Variants in RGPD4 observed in about 807,000 individuals in gnomAD.
The protein encoded by RGPD4 is ranBP2-like and GRIP domain-containing protein 4.
A neutral mutation model predicts 141.1 loss-of-function variants in RGPD4; 84 were observed. The observed-to-expected ratio is 0.60, with a 90% CI of 0.50 to 0.71. The LOEUF (loss-of-function observed/expected upper bound fraction) is 0.71. Ranked by LOEUF, RGPD4 falls within the 30% of genes least tolerant of loss-of-function variation. RGPD4 has a pLI of 0.00. For synonymous variants in RGPD4, 298 were observed against 566.8 expected (o/e 0.53, Z 6.74); for missense variants, 918 against 1,622.4 (o/e 0.57, Z 7.46).
chr2:107,867,402 G>T (rs1682764992), intron 18 of RGPD4, among the ~76,000 whole-genome samples: 4 of 151,198 alleles, frequency 2.6e-5, no homozygotes, highest in Admixed American at 2.6e-4. Flanking sequence ...CTCAACACAA[G>T]CAAAATAACA....
chr2:107,829,552 G>T (rs1436890701), intron 1 of RGPD4, among the ~76,000 whole-genome samples: 117 of 145,292 alleles, frequency 8.1e-4, no homozygotes, highest in African/African-American at 2.8e-3. Flanking sequence ...GACCTGGCCC[G>T]GCGGCGGCCT....
intron 1 of RGPD4, among the ~76,000 whole-genome samples, chr2:107,833,530 T>A (rs1401625968): frequency 6.7e-6 from 1 of 150,152 alleles, no homozygotes; most frequent in Non-Finnish European, 1.5e-5. Context: ...CCTAGCTATA[T>A]ATCTTTAAAC....
intron 1 of RGPD4, among the ~76,000 whole-genome samples, chr2:107,827,344 G>C (rs1196555907): frequency 8.6e-5 from 11 of 128,300 alleles, no homozygotes; most frequent in African/African-American, 2.5e-4. Flanking sequence ...CGGCGGCCTC[G>C]ATGGCTCAGG....
chr2:107,849,249 T>G (rs1682047301), intron 7 of RGPD4, among the ~76,000 whole-genome samples: 1 of 90,572 alleles, frequency 1.1e-5, no homozygotes, highest in African/African-American at 4.7e-5. Context: ...AGAGATGGGG[T>G]TTCACCATGT....
In RGPD4 at chr2:107,827,417, G is replaced by A. The variant is rs1346483896; in HGVS notation, c.72+332G>A. 2.0e-3 allele frequency among the ~76,000 whole-genome samples: 128 copies of A among 64,430 alleles called. 10 individuals are homozygous for A. Among genetic ancestry groups the A allele is most frequent in the African/African-American group, 9.3e-3 (116 of 12,408 alleles). 42.3% of individuals were successfully genotyped at this position (64,430 alleles called of 152,430 possible). ...TCTGTTGAGGCGGCGGCCTCGACCC[G>A]GCCCGGCCGCGGCCGCGATGGCTCA... On this transcript the variant is annotated intron_variant, in intron 1 of 22. Coordinates refer to ENST00000408999, the MANE Select transcript of RGPD4 (RefSeq NM_182588.3).
intron 22 of RGPD4, among the ~76,000 whole-genome samples, chr2:107,889,959 CAAT>C (rs1312755192): frequency 1.3e-5 from 2 of 149,246 alleles, no homozygotes; most frequent in Admixed American, 6.7e-5. Context: ...TAGAGAAAGA[CAAT>C]AAATAATGTT....
intron 22 of RGPD4, chr2:107,883,095 G>A: frequency 3.0e-6 from 2 of 664,036 alleles, no homozygotes; most frequent in African/African-American, 1.8e-5. Flanking sequence ...TACAATAAGT[G>A]CTTAGCTTGA....
chr2:107,882,717 G>C lies in RGPD4; in HGVS notation c.5110G>C (p.Glu1704Gln), dbSNP rs373613501. The change falls in exon 22 of 23, where the codon GAG becomes CAG. Residue 1704 changes from glutamate to glutamine, a missense_variant. Coordinates refer to ENST00000408999, the MANE Select transcript of RGPD4 (RefSeq NM_182588.3). ...AAGATTGGAAAGGAATCAAGAGCAA[G>C]AGGAGTCTGCAGCTAACGTGGAACA... ...IRRLERNQEQ[E>Q]ESAANVEHLK... The C allele has an allele frequency of 1.2e-6, 2 of 1,611,558 alleles. No homozygotes were observed. Among genetic ancestry groups the C allele is most frequent in the African/African-American group, 1.3e-5 (1 of 74,522 alleles).
chr2:107,885,748 C>T (rs2912705), intron 22 of RGPD4, among the ~76,000 whole-genome samples: 4 of 152,090 alleles, frequency 2.6e-5, no homozygotes, highest in South Asian at 2.1e-4. Context: ...ACCTTACATT[C>T]TCTCTTTAAG....
chr2:107,827,140 T>G, intron 1 of RGPD4, 55 bp downstream of exon 1: 1 of 569,420 alleles, frequency 1.8e-6, no homozygotes, highest in Non-Finnish European at 2.3e-6. Context: ...GGCGGAGGCC[T>G]CGACCTGGCC....
At chr2:107,833,787 C>T (rs1681576203) in intron 1 of RGPD4, among the ~76,000 whole-genome samples, 2 of 152,068 alleles carry the variant, frequency 1.3e-5, no homozygotes, top group South Asian at 4.1e-4. Flanking sequence ...GCCTGTAATC[C>T]CAGCATTTTG....
intron 21 of RGPD4, among the ~76,000 whole-genome samples, chr2:107,880,543 G>A (rs547778043): frequency 4.6e-5 from 7 of 151,866 alleles, no homozygotes; most frequent in Admixed American, 1.3e-4. Flanking sequence ...TATTACAGGC[G>A]TGAGCCACTG....
chr2:107,890,651 A>T, intron 22 of RGPD4, 70 bp from the exon 23 acceptor site: 1 of 1,365,638 alleles, frequency 7.3e-7, no homozygotes, highest in South Asian at 1.3e-5. Flanking sequence ...AGTGGTTCTA[A>T]AATATAGATT....
Position 107,882,670 on chromosome 2 carries a change from A to G in RGPD4, c.5065-2A>G. 1 of 1,611,116 alleles carries G rather than the reference A, an allele frequency of 6.2e-7. No individual in the cohort carries two copies. The highest frequency in any genetic ancestry group is 8.5e-7 in the Non-Finnish European group (1 of 1,179,808). On this transcript the variant is annotated splice_acceptor_variant, in intron 21 of 22. Transcript: ENST00000408999. LOFTEE classifies it high-confidence loss of function. ...ATTTTTAACTCATTTCTCTAACACC[A>G]GCTTCTCAAAAGTGAAATAAGAAGA... is the stretch of plus-strand genomic sequence containing the variant.
At chr2:107,828,566 G>C (rs867207650) in intron 1 of RGPD4, among the ~76,000 whole-genome samples, 1 of 51,320 alleles carries the variant, frequency 1.9e-5, no homozygotes, top group South Asian at 7.1e-4. Context: ...CTGCTCCCTG[G>C]CGCGCTCTGT....
Position 107,872,735 on chromosome 2 carries a change from T to G in RGPD4, c.4731T>G (p.Ser1577=), listed in dbSNP as rs755650732. The change falls in exon 20 of 23, where the codon TCT becomes TCG. Residue 1577 remains serine (S), a synonymous_variant. Coordinates refer to ENST00000408999, the MANE Select transcript of RGPD4 (RefSeq NM_182588.3). ...GSLFGFSFNA[S]LKSNNSETSS... The stretch of plus-strand genomic sequence containing the variant: ...TGTTTGGATTTAGTTTTAATGCATC[T>G]TTGAAAAGTAACAACAGTGAAACTA... 1 of 1,611,554 alleles carries G rather than the reference T, an allele frequency of 6.2e-7. No individual in the cohort carries two copies. Among genetic ancestry groups the G allele is most frequent in the African/African-American group, 1.3e-5 (1 of 74,512 alleles).
intron 21 of RGPD4, among the ~76,000 whole-genome samples, chr2:107,882,123 T>C (rs1675383679): frequency 6.6e-6 from 1 of 151,872 alleles, no homozygotes; most frequent in Non-Finnish European, 1.5e-5. Context: ...GTTCCCCAGC[T>C]TTCAACTCCA....
chr2:107,885,244 C>T (rs1325544424), intron 22 of RGPD4, among the ~76,000 whole-genome samples: 1 of 151,710 alleles, frequency 6.6e-6, no homozygotes, highest in African/African-American at 2.4e-5. Flanking sequence ...AGTAAAACTG[C>T]CCCTATAAAA....
intron 6 of RGPD4, among the ~76,000 whole-genome samples, chr2:107,845,656 C>T (rs1483643876): frequency 1.3e-5 from 2 of 152,302 alleles, no homozygotes; most frequent in Non-Finnish European, 2.9e-5. Flanking sequence ...GTGAACCTCC[C>T]AGGTTCACAC....
Sources: gnomAD v4.1 joint callset for allele counts (sites outside exome capture counted in the v4.1 genomes callset) on GRCh38, gnomAD v4.1.1 for gene constraint, MANE v1.5 for transcripts, NCBI Gene and HGNC (gene_info 2026-07-23, HGNC 2026-07-21) for gene names.